TMTC2: variants seen among roughly 807,000 people sequenced by gnomAD.
TMTC2 encodes transmembrane O-mannosyltransferase targeting cadherins 2, also known as protein O-mannosyl-transferase TMTC2.
Under a neutral mutation model 82.4 loss-of-function variants are expected in TMTC2, and 43 were observed. The observed-to-expected ratio is 0.52, with a 90% CI of 0.41 to 0.67. The LOEUF is 0.67. Ranked by LOEUF, TMTC2 falls within the 30% of genes least tolerant of loss-of-function variation. The probability of loss-of-function intolerance (pLI) is 0.00; values close to 1 mark genes in which losing one functional copy is unlikely to be tolerated. For missense variants in TMTC2, 919 were observed against 1,012.4 expected (o/e 0.91, Z 1.25); for synonymous variants, 408 against 381.9 (o/e 1.07, Z -0.80).
At chr12:83,106,500 CA>C (rs769681273) in intron 11 of TMTC2, among the ~76,000 whole-genome samples, 188 of 58,636 alleles carry the variant, frequency 3.2e-3, no homozygotes, top group Middle Eastern at 0.02. Context: ...ACTCTGTCTC[CA>C]AAAAAAAAAA....
chr12:82,911,026 G>A (rs557191295), intron 3 of TMTC2, among the ~76,000 whole-genome samples: 13 of 152,036 alleles, frequency 8.6e-5, no homozygotes, highest in South Asian at 4.2e-4. Flanking sequence ...GACTACAGGC[G>A]TCCGCCACCA....
intron 9 of TMTC2, among the ~76,000 whole-genome samples, chr12:83,034,780 G>A (rs867757440): frequency 7.2e-5 from 11 of 152,132 alleles, no homozygotes; most frequent in African/African-American, 2.4e-4. Flanking sequence ...TGTATATTGA[G>A]CTCAGTTAGG....
intron 1 of TMTC2, among the ~76,000 whole-genome samples, chr12:82,701,066 A>G (rs530815240): frequency 6.6e-6 from 1 of 152,178 alleles, no homozygotes; most frequent in Admixed American, 6.5e-5. Flanking sequence ...ATCTCCCATG[A>G]TAAGTGGGGA....
chr12:83,049,916 A>T (rs1882285068), intron 9 of TMTC2, among the ~76,000 whole-genome samples: 1 of 152,056 alleles, frequency 6.6e-6, no homozygotes, highest in African/African-American at 2.4e-5. Flanking sequence ...ATGATTAGGG[A>T]TATTGAGCAT....
chr12:82,865,797 T>C (rs1331331912), intron 2 of TMTC2, among the ~76,000 whole-genome samples: 1 of 152,058 alleles, frequency 6.6e-6, no homozygotes, highest in Non-Finnish European at 1.5e-5. Context: ...AGAACAGAAA[T>C]TATAACAAAC....
Position 83,070,832 on chromosome 12 carries a change from C to G in TMTC2, c.2331+9001C>G, listed in dbSNP as rs1403188683. Among the ~76,000 whole-genome samples the G allele has an allele frequency of 2.0e-5, 3 of 152,280 alleles. No homozygotes were observed. In the East Asian group the frequency reaches 5.8e-4, roughly 29 times the overall value. On this transcript the variant is annotated intron_variant, in intron 11 of 11. Coordinates refer to ENST00000321196, the MANE Select transcript of TMTC2 (RefSeq NM_152588.3). ...AGTATTATGTTGGCTGTAGGTTTGTCATAGATGGCTTTTATTACACAGGGT... is the reference window on the plus strand; with the variant it reads ...AGTATTATGTTGGCTGTAGGTTTGTGATAGATGGCTTTTATTACACAGGGT...
At chr12:82,739,060 A>C (rs992976719) in intron 1 of TMTC2, among the ~76,000 whole-genome samples, 1 of 151,860 alleles carries the variant, frequency 6.6e-6, no homozygotes, top group Non-Finnish European at 1.5e-5. Context: ...AGGCAGGAGA[A>C]TCACTTGAAC....
chr12:82,695,371 A>C (rs886591414), intron 1 of TMTC2, among the ~76,000 whole-genome samples: 23 of 152,154 alleles, frequency 1.5e-4, no homozygotes, highest in Admixed American at 7.9e-4. Flanking sequence ...GATGCAAACT[A>C]TTCTCTTGCT....
At chr12:82,688,430 A>C (rs1490469200) in intron 1 of TMTC2, among the ~76,000 whole-genome samples, 1 of 152,112 alleles carries the variant, frequency 6.6e-6, no homozygotes, top group East Asian at 1.9e-4. Context: ...ATGAGACCTG[A>C]ACTGTGTTGT....
At chr12:82,723,816 G>A (rs1874317404) in intron 1 of TMTC2, among the ~76,000 whole-genome samples, 1 of 152,160 alleles carries the variant, frequency 6.6e-6, no homozygotes, top group Non-Finnish European at 1.5e-5. Flanking sequence ...TAGGACTTCT[G>A]AAAACACACC....
rs1175854114 is a variant in TMTC2 at position 82,943,929 on chromosome 12, T to G, written c.1598+13384T>G. 3.3e-5 allele frequency among the ~76,000 whole-genome samples: 5 copies of G among 152,196 alleles called. No individual in the cohort carries two copies. The East Asian group carries it at 7.7e-4, about 23-fold the overall frequency. ...AAAGTGACATCTTTTCTGAGTGATA[T>G]GCTTATATTATCGTGACAAGGTATA... is the stretch of plus-strand genomic sequence containing the variant. On this transcript the variant is annotated intron_variant, in intron 4 of 11. Transcript: ENST00000321196.
At chr12:82,953,697 C>A (rs546078048) in intron 4 of TMTC2, among the ~76,000 whole-genome samples, 2 of 152,062 alleles carry the variant, frequency 1.3e-5, no homozygotes, top group Non-Finnish European at 2.9e-5. Context: ...GCTAAATAAG[C>A]AAATTTGATT....
chr12:82,769,072 T>C (rs1400400784), intron 1 of TMTC2, among the ~76,000 whole-genome samples: 1 of 150,254 alleles, frequency 6.7e-6, no homozygotes, highest in East Asian at 1.9e-4. Context: ...GCCATATGCC[T>C]AGCTCAAGCC....
At chr12:83,098,989 A>G (rs945481472) in intron 11 of TMTC2, among the ~76,000 whole-genome samples, 10 of 152,212 alleles carry the variant, frequency 6.6e-5, no homozygotes, top group African/African-American at 2.4e-4. Flanking sequence ...TCTTTTTAAG[A>G]TAAATTTGGA....
intron 11 of TMTC2, among the ~76,000 whole-genome samples, chr12:83,085,140 A>G (rs1592736505): frequency 6.6e-6 from 1 of 152,220 alleles, no homozygotes; most frequent in East Asian, 1.9e-4. Context: ...CCTCTCTGCA[A>G]TTTCTATTTG....
intron 1 of TMTC2, chr12:82,760,792 G>T: frequency 5.5e-6 from 2 of 366,674 alleles, no homozygotes; most frequent in South Asian, 1.9e-5. Context: ...TGTGAACTGC[G>T]CATGTGAGGG....
intron 1 of TMTC2, among the ~76,000 whole-genome samples, chr12:82,743,695 G>T (rs1299392828): frequency 2.0e-5 from 3 of 151,848 alleles, no homozygotes; most frequent in Non-Finnish European, 4.4e-5. Context: ...CCTCCACTTT[G>T]GTTATTTAAT....
intron 11 of TMTC2, among the ~76,000 whole-genome samples, chr12:83,104,301 G>A (rs1169811387): frequency 6.6e-6 from 1 of 152,182 alleles, no homozygotes; most frequent in African/African-American, 2.4e-5. Context: ...CCCCGTGGGG[G>A]GTTCTATGTG....
chr12:82,738,688 AATTCTAAATTGT>A (rs1341946682), intron 1 of TMTC2, among the ~76,000 whole-genome samples: 1 of 152,232 alleles, frequency 6.6e-6, no homozygotes, highest in East Asian at 1.9e-4. Context: ...ATGGAATGAG[AATTCTAAATTGT>A]TTGCCACCAA....
Sources: allele counts gnomAD v4.1 joint callset (sites outside exome capture counted in the v4.1 genomes callset), GRCh38; gene constraint gnomAD v4.1.1; transcripts MANE v1.5; gene names NCBI Gene and HGNC (gene_info 2026-07-23, HGNC 2026-07-21).